The following SLC39A9 variants were observed in gnomAD, a reference collection of about 807,000 sequenced individuals.
SLC39A9 encodes solute carrier family 39 member 9.
In SLC39A9, 14 loss-of-function variants were observed where a neutral mutation model predicts 28.4. The observed-to-expected ratio is 0.49, with a 90% CI of 0.33 to 0.77. The LOEUF (loss-of-function observed/expected upper bound fraction) is 0.77, where lower values mean the gene tolerates loss of function less well. Ranked by LOEUF, SLC39A9 falls within the 30% of genes least tolerant of loss-of-function variation. The pLI is 0.02. For synonymous variants in SLC39A9, 119 were observed against 149.6 expected, an observed-to-expected ratio of 0.80 and a Z score of 1.49; for missense variants, 283 against 381.1, an observed-to-expected ratio of 0.74 and a Z score of 2.14.
intron 3 of SLC39A9, among the ~76,000 whole-genome samples, chr14:69,450,645 G>A (rs1215769366): frequency 6.6e-6 from 1 of 152,134 alleles, no homozygotes; most frequent in Non-Finnish European, 1.5e-5. Flanking sequence ...AGGCATAGTG[G>A]CACTTGCCTG....
At chr14:69,446,537 C>T (rs1396788809) in intron 3 of SLC39A9, among the ~76,000 whole-genome samples, 1 of 151,758 alleles carries the variant, frequency 6.6e-6, no homozygotes, top group Non-Finnish European at 1.5e-5. Context: ...AAGTTGAGCA[C>T]CAACATAATT....
chr14:69,460,880 C>T lies in SLC39A9; in HGVS notation c.*2287C>T. On this transcript the variant is annotated 3_prime_UTR_variant, in exon 7 of 7. Coordinates refer to ENST00000336643, the MANE Select transcript of SLC39A9 (RefSeq NM_018375.5). Reference sequence around the variant, plus strand: ...TGGTCAGCAGACAGAAATAGCCATACTAATCTCATAGGGCTCAAATGCATC... The same window carrying T: ...TGGTCAGCAGACAGAAATAGCCATATTAATCTCATAGGGCTCAAATGCATC... The T allele has an allele frequency of 1.0e-6, 1 of 985,488 alleles. No homozygotes were observed. The highest frequency in any genetic ancestry group is 1.2e-6 in the Non-Finnish European group (1 of 829,970). The allele number at this position is 985,488 out of a possible 1,614,324, so 61.0% of individuals were successfully genotyped here.
chr14:69,453,598 A>T (rs1211222791), intron 4 of SLC39A9, among the ~76,000 whole-genome samples: 1 of 152,178 alleles, frequency 6.6e-6, no homozygotes, highest in Non-Finnish European at 1.5e-5. Context: ...GTTTTATTGG[A>T]ACACAGCCTT....
Position 69,460,956 on chromosome 14 carries a change from G to A in SLC39A9, c.*2363G>A. On this transcript the variant is annotated 3_prime_UTR_variant, in exon 7 of 7. Coordinates refer to ENST00000336643, the MANE Select transcript of SLC39A9 (RefSeq NM_018375.5). Reference sequence around the variant, plus strand: ...GTGGCACAGGCCTTCTTGACTGGAGGAAGAGCTTGCTGGCATGGTGGGCAG... The same window carrying A: ...GTGGCACAGGCCTTCTTGACTGGAGAAAGAGCTTGCTGGCATGGTGGGCAG... 1 of 985,624 alleles carries A rather than the reference G, an allele frequency of 1.0e-6. No homozygotes were observed. Among genetic ancestry groups the A allele is most frequent in the Non-Finnish European group, 1.2e-6 (1 of 830,096 alleles). The allele number at this position is 985,624 out of a possible 1,614,324, so 61.1% of individuals were successfully genotyped here. A position where few individuals can be genotyped will look rare whatever the true frequency, so the allele number is the denominator to read the frequency against.
intron 3 of SLC39A9, among the ~76,000 whole-genome samples, chr14:69,446,601 G>A (rs998070234): frequency 5.3e-5 from 8 of 151,992 alleles, no homozygotes; most frequent in Admixed American, 2.0e-4. Flanking sequence ...GGCTGGGCGC[G>A]GTGGCTCACA....
intron 1 of SLC39A9, among the ~76,000 whole-genome samples, chr14:69,422,513 C>T (rs117966690): frequency 0.011 from 1,610 of 152,196 alleles, 23 homozygotes; most frequent in South Asian, 0.024. Flanking sequence ...TGGGTTTAAA[C>T]GATCCTCTGC....
At chr14:69,447,427 ACT>A (rs1465562323) in intron 3 of SLC39A9, among the ~76,000 whole-genome samples, 1 of 152,054 alleles carries the variant, frequency 6.6e-6, no homozygotes, top group Non-Finnish European at 1.5e-5. Flanking sequence ...CTGATAGAAA[ACT>A]CAGTCTTTCT....
intron 6 of SLC39A9, among the ~76,000 whole-genome samples, chr14:69,457,032 T>C (rs1885894451): frequency 6.6e-6 from 1 of 152,180 alleles, no homozygotes; most frequent in Non-Finnish European, 1.5e-5. Flanking sequence ...AAGGTGCTGA[T>C]AATTCTGGAG....
At position 69,461,938 on chromosome 14, in the gene SLC39A9, A is replaced by G. The variant is rs987499868; in HGVS notation, c.*3345A>G. 1.9e-6 allele frequency: 1 copy of G among 529,124 alleles called. No individual in the cohort carries two copies. The highest frequency in any genetic ancestry group is 3.3e-6 in the Non-Finnish European group (1 of 305,260). 32.8% of individuals were successfully genotyped at this position (529,124 alleles called of 1,614,324 possible). ...TGCAGAGGAACCTTCCTTCCATTAGAAAATTTCTGCTCAATACAGAATGGT... is the reference window on the plus strand; with the variant it reads ...TGCAGAGGAACCTTCCTTCCATTAGGAAATTTCTGCTCAATACAGAATGGT... On this transcript the variant is annotated 3_prime_UTR_variant, in exon 7 of 7. Coordinates refer to ENST00000336643, the MANE Select transcript of SLC39A9 (RefSeq NM_018375.5).
At chr14:69,424,654 T>A (rs1291585353) in intron 2 of SLC39A9, among the ~76,000 whole-genome samples, 1 of 152,014 alleles carries the variant, frequency 6.6e-6, no homozygotes, top group African/African-American at 2.4e-5. Flanking sequence ...CTGACCCTAA[T>A]AGCAACAAGC....
chr14:69,401,368 A>G (rs561761724), intron 1 of SLC39A9, among the ~76,000 whole-genome samples: 1 of 152,308 alleles, frequency 6.6e-6, no homozygotes, highest in Middle Eastern at 3.4e-3. Flanking sequence ...TTCCTTTGAC[A>G]TAACCATATT....
Position 69,461,933 on chromosome 14 carries a change from A to G in SLC39A9, c.*3340A>G. 1 of 535,216 alleles carries G rather than the reference A, an allele frequency of 1.9e-6. No individual in the cohort carries two copies. The highest frequency in any genetic ancestry group is 3.2e-6 in the Non-Finnish European group (1 of 311,556). The allele number at this position is 535,216 out of a possible 1,614,324, so 33.2% of individuals were successfully genotyped here. ...TGTTCTGCAGAGGAACCTTCCTTCCATTAGAAAATTTCTGCTCAATACAGA... is the reference window on the plus strand; with the variant it reads ...TGTTCTGCAGAGGAACCTTCCTTCCGTTAGAAAATTTCTGCTCAATACAGA... On this transcript the variant is annotated 3_prime_UTR_variant, in exon 7 of 7. Transcript: ENST00000336643.
Position 69,442,350 on chromosome 14 carries a change from C to T in SLC39A9, c.403+84C>T. 2.3e-6 allele frequency: 3 copies of T among 1,319,054 alleles called. No homozygotes were observed. In the East Asian group the frequency reaches 6.9e-5, roughly 30 times the overall value. The allele number at this position is 1,319,054 out of a possible 1,614,324, so 81.7% of individuals were successfully genotyped here. A position where few individuals can be genotyped will look rare whatever the true frequency, so the allele number is the denominator to read the frequency against. On this transcript the variant is annotated intron_variant, in intron 3 of 6. Coordinates refer to ENST00000336643, the MANE Select transcript of SLC39A9 (RefSeq NM_018375.5). Reference sequence around the variant, plus strand: ...AACGATCAAATATTTCAGTCTGTATCAGTGGCCATATTTAGTGCTAAAACT... The same window carrying T: ...AACGATCAAATATTTCAGTCTGTATTAGTGGCCATATTTAGTGCTAAAACT...
chr14:69,423,002 C>A (rs188986276), intron 1 of SLC39A9, among the ~76,000 whole-genome samples: 565 of 152,196 alleles, frequency 3.7e-3, no homozygotes, highest in South Asian at 0.016. Flanking sequence ...GGATTAAAAC[C>A]ACAGAAGAAT....
At chr14:69,406,060 T>G (rs1443888117) in intron 1 of SLC39A9, among the ~76,000 whole-genome samples, 3 of 152,154 alleles carry the variant, frequency 2.0e-5, no homozygotes, top group Non-Finnish European at 4.4e-5. Context: ...AATGTTGCCT[T>G]TCCTAATGAA....
chr14:69,418,933 G>A (rs1883730051), intron 1 of SLC39A9, among the ~76,000 whole-genome samples: 1 of 152,004 alleles, frequency 6.6e-6, no homozygotes, highest in African/African-American at 2.4e-5. Flanking sequence ...TATCAATTTT[G>A]TTGATGTTTT....
At chr14:69,439,517 G>A (rs554606546) in intron 2 of SLC39A9, among the ~76,000 whole-genome samples, 9 of 152,222 alleles carry the variant, frequency 5.9e-5, no homozygotes, top group Admixed American at 2.6e-4. Context: ...TAAAATATCC[G>A]TAGTACCCAA....
rs371562341 is a variant in SLC39A9 at position 69,458,624 on chromosome 14, G to A, written c.*31G>A. On this transcript the variant is annotated 3_prime_UTR_variant, in exon 7 of 7. Transcript: ENST00000336643. ...CAAGGTCCAGCCTTGGTCCAGGGCC[G>A]TTTGCCATCCAGTGAGAACAGCCGG... 9.5e-5 allele frequency: 148 copies of A among 1,556,522 alleles called. No homozygotes were observed. The highest frequency in any genetic ancestry group is 2.7e-4 in the African/African-American group (20 of 73,836).
chr14:69,419,320 T>G (rs1217386826), intron 1 of SLC39A9, among the ~76,000 whole-genome samples: 2 of 152,206 alleles, frequency 1.3e-5, no homozygotes, highest in Non-Finnish European at 2.9e-5. Context: ...TTTGAGTGAA[T>G]TTCTTAATCC....
Sources: allele counts gnomAD v4.1 joint callset (sites outside exome capture counted in the v4.1 genomes callset), GRCh38; gene constraint gnomAD v4.1.1; transcripts MANE v1.5; gene names NCBI Gene and HGNC (gene_info 2026-07-23, HGNC 2026-07-21).